The following FHIP1A variants were observed in gnomAD, a reference collection of about 807,000 sequenced individuals.
The protein encoded by FHIP1A is FHF complex subunit HOOK interacting protein 1A.
In FHIP1A, 61 loss-of-function variants were observed where a neutral mutation model predicts 88.6. The observed-to-expected ratio is 0.69, with a 90% CI of 0.56 to 0.85. The LOEUF is 0.85. Among genes scored for constraint, FHIP1A ranks in the 40% least tolerant of loss-of-function variants. FHIP1A has a pLI of 0.00. For missense variants in FHIP1A, 1,154 were observed against 1,273.5 expected, an observed-to-expected ratio of 0.91 and a Z score of 1.43; for synonymous variants, 478 against 496.0, an observed-to-expected ratio of 0.96 and a Z score of 0.48.
intron 1 of FHIP1A, among the ~76,000 whole-genome samples, chr4:151,438,456 T>A (rs918598359): frequency 6.6e-6 from 1 of 151,972 alleles, no homozygotes. Context: ...TCATTGTATT[T>A]CTCTCTCCCT....
chr4:151,482,177 ATTATC>A (rs1729918561), intron 2 of FHIP1A, among the ~76,000 whole-genome samples: 1 of 152,058 alleles, frequency 6.6e-6, no homozygotes, highest in African/African-American at 2.4e-5. Flanking sequence ...TGCTATCATT[ATTATC>A]TTAATATGAT....
At chr4:151,589,851 C>T (rs944787561) in intron 7 of FHIP1A, among the ~76,000 whole-genome samples, 14 of 152,144 alleles carry the variant, frequency 9.2e-5, no homozygotes, top group African/African-American at 3.4e-4. Flanking sequence ...GCATAGTGGC[C>T]ATGTTTTCCA....
chr4:151,456,042 AC>A (rs1290982970), intron 2 of FHIP1A, among the ~76,000 whole-genome samples: 2 of 152,224 alleles, frequency 1.3e-5, no homozygotes, highest in Non-Finnish European at 2.9e-5. Context: ...ATTCAGAAAC[AC>A]ATACCTTCTT....
At chr4:151,526,074 G>T (rs1443905434) in intron 3 of FHIP1A, among the ~76,000 whole-genome samples, 1 of 152,180 alleles carries the variant, frequency 6.6e-6, no homozygotes, top group Non-Finnish European at 1.5e-5. Flanking sequence ...AGGGTTGGGG[G>T]TAAGGTCACA....
intron 3 of FHIP1A, among the ~76,000 whole-genome samples, chr4:151,526,990 A>G (rs1455371722): frequency 1.4e-5 from 2 of 145,506 alleles, no homozygotes; most frequent in African/African-American, 5.2e-5. Context: ...GGTGCTCCTC[A>G]CTTCCTAGAT....
intron 1 of FHIP1A, among the ~76,000 whole-genome samples, chr4:151,446,118 A>T (rs1324973557): frequency 2.0e-5 from 3 of 151,940 alleles, no homozygotes; most frequent in Non-Finnish European, 4.4e-5. Flanking sequence ...ACAGTATATC[A>T]GTGTATGAAA....
At chr4:151,569,447 G>C (rs1431093103) in intron 4 of FHIP1A, among the ~76,000 whole-genome samples, 1 of 152,024 alleles carries the variant, frequency 6.6e-6, no homozygotes, top group Non-Finnish European at 1.5e-5. Flanking sequence ...AGCTACTCAG[G>C]AGGCTGAGGC....
At chr4:151,626,117 T>C (rs569292669) in intron 7 of FHIP1A, among the ~76,000 whole-genome samples, 146 of 152,374 alleles carry the variant, frequency 9.6e-4, no homozygotes, top group Non-Finnish European at 1.7e-3. Flanking sequence ...TATCACATTA[T>C]GTATATTTTC....
At chr4:151,647,229 C>T (rs1736832623) in intron 10 of FHIP1A, among the ~76,000 whole-genome samples, 1 of 152,158 alleles carries the variant, frequency 6.6e-6, no homozygotes, top group Non-Finnish European at 1.5e-5. Flanking sequence ...ATGAGGAAGG[C>T]TGCCATAAAT....
chr4:151,526,656 G>A (rs1441213957), intron 3 of FHIP1A, among the ~76,000 whole-genome samples: 2 of 150,710 alleles, frequency 1.3e-5, no homozygotes, highest in African/African-American at 2.4e-5. Flanking sequence ...CTGGCCGGGC[G>A]GGGGGCTGAC....
At chr4:151,545,515 C>T (rs1374050754) in intron 3 of FHIP1A, among the ~76,000 whole-genome samples, 2 of 151,320 alleles carry the variant, frequency 1.3e-5, no homozygotes, top group Non-Finnish European at 2.9e-5. Flanking sequence ...GTAGCTGGGA[C>T]TACAGGTGCC....
intron 3 of FHIP1A, among the ~76,000 whole-genome samples, chr4:151,556,681 C>T (rs1440355325): frequency 6.6e-6 from 1 of 152,040 alleles, no homozygotes; most frequent in Non-Finnish European, 1.5e-5. Context: ...GCATTATCTG[C>T]CCCCTTAAAA....
intron 3 of FHIP1A, among the ~76,000 whole-genome samples, chr4:151,520,344 C>T (rs1731406105): frequency 6.6e-6 from 1 of 151,928 alleles, no homozygotes; most frequent in South Asian, 2.1e-4. Context: ...GTGTTGGTGC[C>T]TTTATTGAAA....
At chr4:151,646,796 A>T (rs1736814928) in intron 10 of FHIP1A, 48 bp downstream of exon 10, 1 of 1,343,382 alleles carries the variant, frequency 7.4e-7, no homozygotes, top group African/African-American at 1.4e-5. Context: ...TGCCAGTTCC[A>T]TCTCGCCTTG....
chr4:151,491,077 A>C (rs376951790), intron 3 of FHIP1A, among the ~76,000 whole-genome samples: 56 of 152,300 alleles, frequency 3.7e-4, no homozygotes, highest in African/African-American at 1.3e-3. Context: ...TTGAGGGAAT[A>C]ATCAAGGAAA....
At chr4:151,531,029 T>C (rs145788408) in intron 3 of FHIP1A, among the ~76,000 whole-genome samples, 28 of 152,304 alleles carry the variant, frequency 1.8e-4, no homozygotes, top group African/African-American at 6.7e-4. Flanking sequence ...GGAGCCTTAA[T>C]GCATGGTCTT....
intron 3 of FHIP1A, among the ~76,000 whole-genome samples, chr4:151,527,371 A>G (rs1731713785): frequency 6.6e-6 from 1 of 152,220 alleles, no homozygotes; most frequent in Non-Finnish European, 1.5e-5. Flanking sequence ...AAAAAATATG[A>G]AAACCAGTCA....
intron 13 of FHIP1A, among the ~76,000 whole-genome samples, chr4:151,658,352 G>A (rs1737327582): frequency 6.6e-6 from 1 of 152,196 alleles, no homozygotes; most frequent in Admixed American, 6.5e-5. Context: ...ATCTGGGCCA[G>A]GCTGATTTTA....
At chr4:151,522,122 A>T (rs1001505412) in intron 3 of FHIP1A, among the ~76,000 whole-genome samples, 1 of 152,194 alleles carries the variant, frequency 6.6e-6, no homozygotes, top group Non-Finnish European at 1.5e-5. Context: ...ATCTTTAGGC[A>T]GGCTGTCCCC....
Sources: allele counts gnomAD v4.1 joint callset (sites outside exome capture counted in the v4.1 genomes callset), GRCh38; gene constraint gnomAD v4.1.1; transcripts MANE v1.5; gene names NCBI Gene and HGNC (gene_info 2026-07-23, HGNC 2026-07-21).